Variants in CD58 observed in about 807,000 individuals in gnomAD.
CD58 encodes the protein CD58 molecule.
Under a neutral mutation model 27.6 loss-of-function variants are expected in CD58, and 14 were observed. That is an observed-to-expected ratio of 0.51 (90% CI 0.34 to 0.79). The LOEUF is 0.79. Ranked by LOEUF, CD58 falls within the 30% of genes least tolerant of loss-of-function variation. The pLI is 0.02. For missense variants in CD58, 268 were observed against 301.7 expected, an observed-to-expected ratio of 0.89 and a Z score of 0.83; for synonymous variants, 117 against 103.8, an observed-to-expected ratio of 1.13 and a Z score of -0.77.
At position 116,541,336 on chromosome 1, in the gene CD58, T is replaced by G. The variant is rs56302466; in HGVS notation, c.364+2975A>C. Among the ~76,000 whole-genome samples, 1 of 152,148 alleles carries G rather than the reference T, an allele frequency of 6.6e-6. No individual in the cohort carries two copies. Among genetic ancestry groups the G allele is most frequent in the African/African-American group, 2.4e-5 (1 of 41,444 alleles). ...CAAGGAAATCTTCTAAGAGGATACTTTGACATCTTAGCAAGCTGTATTTGT... is the reference window on the plus strand; with the variant it reads ...CAAGGAAATCTTCTAAGAGGATACTGTGACATCTTAGCAAGCTGTATTTGT... On this transcript the variant is annotated intron_variant, in intron 2 of 5. Coordinates refer to ENST00000369489, the MANE Select transcript of CD58 (RefSeq NM_001779.3). The surrounding 1 kb of genome is among the most constrained non-coding windows in gnomAD (Gnocchi z 5.3).
rs1657663588 is a variant in CD58 at position 116,532,869 on chromosome 1, G to A, written c.628+3096C>T. 6 of 682,598 alleles carry A rather than the reference G, an allele frequency of 8.8e-6. No homozygotes were observed. The highest frequency in any genetic ancestry group is 6.0e-5 in the East Asian group (2 of 33,332). The allele number at this position is 682,598 out of a possible 1,614,324, so 42.3% of individuals were successfully genotyped here. The stretch of plus-strand genomic sequence containing the variant: ...ACGGGATTGTGCCGCATGCGGCAAA[G>A]ACTGAGGCCTCCCGCTACAGGCCCG... On this transcript the variant is annotated intron_variant, in intron 3 of 5. Coordinates refer to ENST00000369489, the MANE Select transcript of CD58 (RefSeq NM_001779.3). This position sits in a 1 kb window ranked among gnomAD's most constrained non-coding sequence, Gnocchi z 5.1.
rs1359527364 is a variant in CD58, at chr1:116,524,804, T to G, written c.629-2821A>C. On this transcript the variant is annotated intron_variant, in intron 3 of 5. Coordinates refer to ENST00000369489, the MANE Select transcript of CD58 (RefSeq NM_001779.3). The surrounding 1 kb of genome is among the most constrained non-coding windows in gnomAD (Gnocchi z 4.6). ...ATCCTTAGAATGCAGCCCCTTGAAATATGCACCCAAATTACTATGTTTTGA... is the reference window on the plus strand; with the variant it reads ...ATCCTTAGAATGCAGCCCCTTGAAAGATGCACCCAAATTACTATGTTTTGA... Among the ~76,000 whole-genome samples, 3 of 152,256 alleles carry G rather than the reference T, an allele frequency of 2.0e-5. No homozygotes were observed. Among genetic ancestry groups the G allele is most frequent in the African/African-American group, 7.2e-5 (3 of 41,468 alleles).
Position 116,570,642 on chromosome 1 carries a change from G to A in CD58, c.70+261C>T, listed in dbSNP as rs1178379287. 1.3e-5 allele frequency among the ~76,000 whole-genome samples: 2 copies of A among 152,162 alleles called. No homozygotes were observed. Among genetic ancestry groups the A allele is most frequent in the Admixed American group, 1.3e-4 (2 of 15,290 alleles). ...GGGCCGGCGGGGGGGCGCAGGCCCC[G>A]CAGGAGAGGCTAGCGGGCCGGAGCC... On this transcript the variant is annotated intron_variant, in intron 1 of 5. Coordinates refer to ENST00000369489, the MANE Select transcript of CD58 (RefSeq NM_001779.3). The surrounding 1 kb of genome is among the most constrained non-coding windows in gnomAD (Gnocchi z 6.4).
Position 116,570,915 on chromosome 1 carries a change from G to A in CD58, c.58C>T (p.Leu20=). ...ALGVLSVVCL[L]HCFGFISCFS... ...AGGCTTCACTCACCAAAGCAGTGCA[G>A]CAGGCAGACCACGCTGAGGACCCCC... The change falls in exon 1 of 6, where the codon CTG becomes TTG. Residue 20 remains leucine, a synonymous_variant. Transcript: ENST00000369489. This position sits in a 1 kb window ranked among gnomAD's most constrained non-coding sequence, Gnocchi z 6.4. 3 of 1,566,360 alleles carry A rather than the reference G, an allele frequency of 1.9e-6. No individual in the cohort carries two copies. The South Asian group carries it at 3.5e-5, about 18-fold the overall frequency.
rs2101216281 is a variant in CD58 at position 116,557,597 on chromosome 1, ATTTC to A, written c.71-12997_71-12994del. On this transcript the variant is annotated intron_variant, in intron 1 of 5. Transcript: ENST00000369489. This position sits in a 1 kb window ranked among gnomAD's most constrained non-coding sequence, Gnocchi z 5.2. Reference sequence around the variant, plus strand: ...TGGTTTGAGGAGGTTCACTGATGTCATTTCTTTCTTTTCTTTCTTTTTATTTTTC... The same window carrying A: ...TGGTTTGAGGAGGTTCACTGATGTCATTTCTTTTCTTTCTTTTTATTTTTC... Among the ~76,000 whole-genome samples the A allele has an allele frequency of 6.6e-6, 1 of 152,066 alleles. No individual in the cohort carries two copies. The highest frequency in any genetic ancestry group is 2.1e-4 in the South Asian group (1 of 4,802).
At position 116,517,578 on chromosome 1, in the gene CD58, C is replaced by T. The variant is rs553385758; in HGVS notation, c.743+1653G>A. ...ACCAAAGGTCTTAACCCCTCGCCTA[C>T]CTCCTTGTCTCTGCAGCTTTAACAT... On this transcript the variant is annotated intron_variant, in intron 5 of 5. Transcript: ENST00000369489. The surrounding 1 kb of genome is among the most constrained non-coding windows in gnomAD (Gnocchi z 6.5). 2.0e-5 allele frequency among the ~76,000 whole-genome samples: 3 copies of T among 152,218 alleles called. No homozygotes were observed. Among genetic ancestry groups the T allele is most frequent in the Non-Finnish European group, 4.4e-5 (3 of 68,028 alleles).
Position 116,523,389 on chromosome 1 carries a change from G to T in CD58, c.629-1406C>A, listed in dbSNP as rs1051533893. Among the ~76,000 whole-genome samples the T allele has an allele frequency of 6.6e-6, 1 of 152,136 alleles. No homozygotes were observed. The highest frequency in any genetic ancestry group is 1.5e-5 in the Non-Finnish European group (1 of 68,010). ...TATGGGAAAGGAAGGGAAAGGAAGG[G>T]AGAGGAGGAAGAGAGAGAGAAAATG... On this transcript the variant is annotated intron_variant, in intron 3 of 5. Transcript: ENST00000369489. The surrounding 1 kb of genome is among the most constrained non-coding windows in gnomAD (Gnocchi z 4.4).
At chr1:116,569,886 G>A (rs1659081362) in intron 1 of CD58, among the ~76,000 whole-genome samples, 1 of 152,204 alleles carries the variant, frequency 6.6e-6, no homozygotes, top group African/African-American at 2.4e-5. Context: ...ACAGGTGTAA[G>A]CCACCACGCC....
chr1:116,559,198 G>T lies in CD58; in HGVS notation c.70+11705C>A, dbSNP rs534219890. 9.9e-5 allele frequency among the ~76,000 whole-genome samples: 15 copies of T among 152,258 alleles called. No homozygotes were observed. The East Asian group carries it at 2.5e-3, about 25-fold the overall frequency. ...ATCTGAGCAGAGTCCAGAAAAGCAG[G>T]GGAGCGAGCCTAAGAACATCTGGGG... On this transcript the variant is annotated intron_variant, in intron 1 of 5. Transcript: ENST00000369489. This position sits in a 1 kb window ranked among gnomAD's most constrained non-coding sequence, Gnocchi z 4.4.
At chr1:116,537,746 C>A (rs1657859442) in intron 2 of CD58, among the ~76,000 whole-genome samples, 2 of 152,142 alleles carry the variant, frequency 1.3e-5, no homozygotes, top group South Asian at 4.1e-4. Context: ...ATTCATATGC[C>A]TTCTTGCGTC....
intron 1 of CD58, among the ~76,000 whole-genome samples, chr1:116,547,572 G>T (rs1203496832): frequency 1.3e-5 from 2 of 151,940 alleles, no homozygotes; most frequent in Non-Finnish European, 2.9e-5. Context: ...CTCGTGATCT[G>T]CCCGCCTTGG....
chr1:116,562,445 C>T (rs1277287352), intron 1 of CD58, among the ~76,000 whole-genome samples: 1 of 152,166 alleles, frequency 6.6e-6, no homozygotes, highest in African/African-American at 2.4e-5. Context: ...ATCTCAGCCT[C>T]CTGAGTAGCT....
chr1:116,522,939 G>A lies in CD58; in HGVS notation c.629-956C>T, dbSNP rs1165918886. ...TGGGCAAGTGCCTTAACCTCTCAGT[G>A]CCTCCATTTTCTCACAGGGTAACTA... On this transcript the variant is annotated intron_variant, in intron 3 of 5. Coordinates refer to ENST00000369489, the MANE Select transcript of CD58 (RefSeq NM_001779.3). This position sits in a 1 kb window ranked among gnomAD's most constrained non-coding sequence, Gnocchi z 4.6. 6.6e-6 allele frequency among the ~76,000 whole-genome samples: 1 copy of A among 152,126 alleles called. No individual in the cohort carries two copies. Among genetic ancestry groups the A allele is most frequent in the East Asian group, 1.9e-4 (1 of 5,198 alleles).
Position 116,557,011 on chromosome 1 carries a change from A to T in CD58, c.71-12407T>A, listed in dbSNP as rs150896981. ...TGGCAACTAATTCAAATCTGAGCTT[A>T]GGGGTAACCCCAGCCAGGCTAGCCC... On this transcript the variant is annotated intron_variant, in intron 1 of 5. Transcript: ENST00000369489. The surrounding 1 kb of genome is among the most constrained non-coding windows in gnomAD (Gnocchi z 5.2). Among the ~76,000 whole-genome samples, 784 of 152,380 alleles carry T rather than the reference A, an allele frequency of 5.1e-3. 5 individuals are homozygous for T. The highest frequency in any genetic ancestry group is 0.017 in the African/African-American group (727 of 41,596).
intron 1 of CD58, among the ~76,000 whole-genome samples, chr1:116,544,880 C>A (rs12044773): frequency 0.14 from 21,708 of 152,166 alleles, 2,346 homozygotes; most frequent in East Asian, 0.57. Flanking sequence ...AGGAGCCTCA[C>A]GTGTGGAGAA....
rs1657643828 is a variant in CD58 at position 116,532,431 on chromosome 1, G to A, written c.628+3534C>T. On this transcript the variant is annotated intron_variant, in intron 3 of 5. Transcript: ENST00000369489. The surrounding 1 kb of genome is among the most constrained non-coding windows in gnomAD (Gnocchi z 5.1). ...GCCCTACTCTACACGGCCCTTCTGA[G>A]ATGATTAGCATACAGCAGGTGATGC... 6.6e-6 allele frequency among the ~76,000 whole-genome samples: 1 copy of A among 152,368 alleles called. No homozygotes were observed. The highest frequency in any genetic ancestry group is 1.9e-4 in the East Asian group (1 of 5,190).
At chr1:116,567,816 T>C (rs1314890412) in intron 1 of CD58, among the ~76,000 whole-genome samples, 2 of 152,164 alleles carry the variant, frequency 1.3e-5, no homozygotes, top group Admixed American at 6.5e-5. Flanking sequence ...TGGAGAAATC[T>C]GGTAAACTTC....
chr1:116,540,667 C>T (rs190037143), intron 2 of CD58, among the ~76,000 whole-genome samples: 16 of 152,342 alleles, frequency 1.1e-4, no homozygotes, highest in Admixed American at 6.5e-4. Context: ...ACACTCAATA[C>T]TATCAATATC....
chr1:116,540,861 G>A (rs1306178024), intron 2 of CD58, among the ~76,000 whole-genome samples: 1 of 152,166 alleles, frequency 6.6e-6, no homozygotes, highest in African/African-American at 2.4e-5. Flanking sequence ...CCAGACTGGA[G>A]TGCAGAGGTG....
Sources: allele counts gnomAD v4.1 joint callset (sites outside exome capture counted in the v4.1 genomes callset), GRCh38; gene constraint gnomAD v4.1.1; non-coding constraint Gnocchi (gnomAD v3.1); transcripts MANE v1.5; gene names NCBI Gene and HGNC (gene_info 2026-07-23, HGNC 2026-07-21).